PCMTD1: variants seen among roughly 807,000 people sequenced by gnomAD.
The protein encoded by PCMTD1 is protein-L-isoaspartate O-methyltransferase domain-containing protein 1.
PCMTD1 carries 12 observed loss-of-function variants against 37.6 expected under a neutral mutation model. The observed-to-expected ratio is 0.32, with a 90% CI of 0.20 to 0.52. The LOEUF is 0.52. Ranked by LOEUF, PCMTD1 falls within the 20% of genes least tolerant of loss-of-function variation. The pLI, the probability that PCMTD1 is intolerant of heterozygous loss-of-function variation, is 0.97. For missense variants in PCMTD1, 235 were observed against 421.3 expected (o/e 0.56, Z 3.87); for synonymous variants, 117 against 135.8 (o/e 0.86, Z 0.96).
rs148808159 is a variant in PCMTD1 at position 51,887,657 on chromosome 8, T to G, written c.-96+11273A>C. ...GTAATTATCAAGCCATGCAATCATT[T>G]TCCTCGTTTAAAATAAATTAAAAAA... On this transcript the variant is annotated intron_variant, in intron 1 of 5. Coordinates refer to ENST00000522514, the MANE Select transcript of PCMTD1 (RefSeq NM_052937.4). 9.4e-3 allele frequency among the ~76,000 whole-genome samples: 1,423 copies of G among 151,928 alleles called. 11 individuals carry two copies. The highest frequency in any genetic ancestry group is 0.014 in the Non-Finnish European group (981 of 67,950).
intron 1 of PCMTD1, among the ~76,000 whole-genome samples, chr8:51,875,986 G>A (rs755885460): frequency 1.1e-4 from 17 of 152,110 alleles, no homozygotes; most frequent in South Asian, 1.0e-3. Flanking sequence ...GTGCATGTGC[G>A]TGCACGCATG....
chr8:51,877,113 G>A (rs2038723639), intron 1 of PCMTD1, among the ~76,000 whole-genome samples: 1 of 152,164 alleles, frequency 6.6e-6, no homozygotes, highest in Non-Finnish European at 1.5e-5. Flanking sequence ...ACTAGTATTT[G>A]AATATAAATT....
chr8:51,828,344 T>C (rs2037950715), intron 5 of PCMTD1, among the ~76,000 whole-genome samples: 2 of 152,190 alleles, frequency 1.3e-5, no homozygotes, highest in South Asian at 4.1e-4. Context: ...GAAAACAGTT[T>C]TGTTACTATT....
upstream of PCMTD1, chr8:51,899,078 C>T (rs1160400992): frequency 2.7e-6 from 4 of 1,492,274 alleles, no homozygotes; most frequent in African/African-American, 4.3e-5. Context: ...CAGCCAGAGC[C>T]TCCCGGACTC....
chr8:51,875,334 C>G (rs1423622993), intron 1 of PCMTD1, among the ~76,000 whole-genome samples: 1 of 152,074 alleles, frequency 6.6e-6, no homozygotes, highest in Non-Finnish European at 1.5e-5. Context: ...TTTTCAACCT[C>G]CAAACACATA....
chr8:51,848,280 G>A (rs2038253058), intron 2 of PCMTD1, among the ~76,000 whole-genome samples: 2 of 150,408 alleles, frequency 1.3e-5, no homozygotes, highest in African/African-American at 2.5e-5. Flanking sequence ...GAGTGAGACC[G>A]TGTCTTTAAA....
chr8:51,899,160 C>T (rs2039061678), upstream of PCMTD1: 3 of 1,332,020 alleles, frequency 2.3e-6, no homozygotes, highest in East Asian at 9.3e-5. Flanking sequence ...ACGCCAAAGT[C>T]AACAAGGCCG....
rs1328454386 is a variant in PCMTD1, at chr8:51,818,053, A to C, written c.*2298T>G. Reference sequence around the variant, plus strand: ...TTTATTTGCTACTTTTCCACCTATAAAGCGTAATTTTCCATATCAAGTAAA... The same window carrying C: ...TTTATTTGCTACTTTTCCACCTATACAGCGTAATTTTCCATATCAAGTAAA... On this transcript the variant is annotated 3_prime_UTR_variant, in exon 6 of 6. Coordinates refer to ENST00000522514, the MANE Select transcript of PCMTD1 (RefSeq NM_052937.4). 2.4e-6 allele frequency: 1 copy of C among 417,104 alleles called. No individual in the cohort carries two copies. Among genetic ancestry groups the C allele is most frequent in the East Asian group, 7.3e-5 (1 of 13,690 alleles). 25.8% of individuals were successfully genotyped at this position (417,104 alleles called of 1,614,324 possible).
chr8:51,898,914 C>G lies in PCMTD1; in HGVS notation c.-96+16G>C, dbSNP rs1306097944. 1 of 1,325,142 alleles carries G rather than the reference C, an allele frequency of 7.5e-7. No homozygotes were observed. Among genetic ancestry groups the G allele is most frequent in the Non-Finnish European group, 9.6e-7 (1 of 1,039,854 alleles). 82.1% of individuals were successfully genotyped at this position (1,325,142 alleles called of 1,614,324 possible). A position where few individuals can be genotyped will look rare whatever the true frequency, so the allele number is the denominator to read the frequency against. On this transcript the variant is annotated intron_variant, in intron 1 of 5. Coordinates refer to ENST00000522514, the MANE Select transcript of PCMTD1 (RefSeq NM_052937.4). ...CACACCCCACGACCCCGAGCCCCCACTGGCGGCGGCGTTACCTGTGGCGCG... is the reference window on the plus strand; with the variant it reads ...CACACCCCACGACCCCGAGCCCCCAGTGGCGGCGGCGTTACCTGTGGCGCG...
At chr8:51,838,328 T>C (rs551244321) in intron 3 of PCMTD1, among the ~76,000 whole-genome samples, 2 of 150,946 alleles carry the variant, frequency 1.3e-5, no homozygotes, top group Admixed American at 6.6e-5. Flanking sequence ...CTCTACAAAT[T>C]TTTTTTTTAA....
chr8:51,821,885 G>A (rs546108044), intron 5 of PCMTD1, among the ~76,000 whole-genome samples: 6 of 152,190 alleles, frequency 3.9e-5, no homozygotes, highest in Non-Finnish European at 5.9e-5. Context: ...ACAGGCATGT[G>A]CCACCACACC....
chr8:51,893,413 T>C (rs1005097770), intron 1 of PCMTD1, among the ~76,000 whole-genome samples: 2 of 152,170 alleles, frequency 1.3e-5, no homozygotes, highest in Admixed American at 6.5e-5. Context: ...ATAATCTGTG[T>C]GAGGGCATTT....
chr8:51,846,857 C>G (rs2038228826), intron 2 of PCMTD1, among the ~76,000 whole-genome samples: 3 of 152,184 alleles, frequency 2.0e-5, no homozygotes, highest in African/African-American at 7.2e-5. Context: ...CAGATATAAT[C>G]TTAAACCCAA....
intron 3 of PCMTD1, among the ~76,000 whole-genome samples, chr8:51,835,825 C>CAACTTACA (rs982719896): frequency 6.6e-6 from 1 of 152,136 alleles, no homozygotes; most frequent in Non-Finnish European, 1.5e-5. Flanking sequence ...CAGGTAATGA[C>CAACTTACA]AACTTACAAT....
In PCMTD1 at chr8:51,874,551, T is replaced by C. The variant is rs550546500; in HGVS notation, c.-95-13305A>G. On this transcript the variant is annotated intron_variant, in intron 1 of 5. Coordinates refer to ENST00000522514, the MANE Select transcript of PCMTD1 (RefSeq NM_052937.4). ...CTTGGTTATAATAAATTCATAAAAC[T>C]AAAGACCTTTAAAATCATAAAGAAT... Among the ~76,000 whole-genome samples, 7 of 152,288 alleles carry C rather than the reference T, an allele frequency of 4.6e-5. No homozygotes were observed. In the South Asian group the frequency reaches 1.5e-3, roughly 32 times the overall value.
At position 51,882,305 on chromosome 8, in the gene PCMTD1, G is replaced by T. The variant is rs546871711; in HGVS notation, c.-96+16625C>A. Among the ~76,000 whole-genome samples, 7 of 152,306 alleles carry T rather than the reference G, an allele frequency of 4.6e-5. No homozygotes were observed. In the South Asian group the frequency reaches 1.5e-3, roughly 32 times the overall value. ...TTTTTAAAATGACGCTATTGGATCA[G>T]GGCCTCACCATTATGATCTTAATTA... On this transcript the variant is annotated intron_variant, in intron 1 of 5. Coordinates refer to ENST00000522514, the MANE Select transcript of PCMTD1 (RefSeq NM_052937.4).
intron 4 of PCMTD1, 33 bp downstream of exon 4, chr8:51,833,485 T>C (rs1184816871): frequency 1.9e-6 from 3 of 1,563,286 alleles, no homozygotes; most frequent in African/African-American, 2.7e-5. Flanking sequence ...GCTTGCTTCC[T>C]AGGCCACTAA....
intron 2 of PCMTD1, among the ~76,000 whole-genome samples, chr8:51,853,008 T>A (rs145613559): frequency 1.3e-5 from 2 of 152,192 alleles, no homozygotes; most frequent in African/African-American, 4.8e-5. Context: ...AGATCAAGAG[T>A]GTCCAGAGCT....
intron 1 of PCMTD1, among the ~76,000 whole-genome samples, chr8:51,870,753 C>T (rs1417209445): frequency 6.6e-6 from 1 of 152,172 alleles, no homozygotes; most frequent in African/African-American, 2.4e-5. Context: ...ACGCATAATT[C>T]AAAACTAAAC....
Sources: allele counts gnomAD v4.1 joint callset (sites outside exome capture counted in the v4.1 genomes callset), GRCh38; gene constraint gnomAD v4.1.1; transcripts MANE v1.5; gene names NCBI Gene and HGNC (gene_info 2026-07-23, HGNC 2026-07-21).